Variants in ANKRD22 observed in about 807,000 individuals in gnomAD.
ANKRD22 encodes ankyrin repeat domain-containing protein 22.
A neutral mutation model predicts 25.7 loss-of-function variants in ANKRD22; 24 were observed. That is an observed-to-expected ratio of 0.93 (90% CI 0.68 to 1.31). ANKRD22 has a LOEUF of 1.31. ANKRD22 is among the 50% of genes most tolerant of loss of function. The pLI is 0.00. For synonymous variants in ANKRD22, 84 were observed against 84.3 expected (o/e 1.00, Z 0.02); for missense variants, 214 against 227.1 (o/e 0.94, Z 0.37).
chr10:88,824,299 A>G (rs1564601931), intron 4 of ANKRD22, among the ~76,000 whole-genome samples: 3 of 152,224 alleles, frequency 2.0e-5, no homozygotes, highest in African/African-American at 7.2e-5. Context: ...GGCCTTTGGA[A>G]AAGTAGCCAA....
chr10:88,836,642 C>A (rs747874380), intron 1 of ANKRD22, among the ~76,000 whole-genome samples: 2 of 152,160 alleles, frequency 1.3e-5, no homozygotes, highest in Non-Finnish European at 2.9e-5. Flanking sequence ...CAAGACTTCG[C>A]ATTTGATATT....
chr10:88,822,160 A>G lies in ANKRD22; in HGVS notation c.*781T>C, dbSNP rs530968000. On this transcript the variant is annotated 3_prime_UTR_variant, in exon 6 of 6. Transcript: ENST00000371930. ...GAAATCTCTAGTGGTATGCTGGTAA[A>G]CGAACTTTATGGAAAGTAAAAAACA... 66 of 152,324 alleles carry G rather than the reference A, an allele frequency of 4.3e-4. No homozygotes were observed. The highest frequency in any genetic ancestry group is 1.5e-3 in the African/African-American group (62 of 41,566). The allele number at this position is 152,324 out of a possible 1,614,324, so 9.4% of individuals were successfully genotyped here.
rs1843820565 is a variant in ANKRD22 at position 88,823,367 on chromosome 10, G to A, written c.411C>T (p.Thr137=). ...TCATTTCACAGGCATAATGTAATGCGGTACAGCCATACTGAAACACAAAGG... is the reference window on the plus strand; with the variant it reads ...TCATTTCACAGGCATAATGTAATGCAGTACAGCCATACTGAAACACAAAGG... The part of the protein sequence containing the change: ...EVNATDCYGC[T]ALHYACEMKN... The change falls in exon 5 of 6, where the codon ACC becomes ACT. Residue 137 remains threonine (T), a synonymous_variant. Coordinates refer to ENST00000371930, the MANE Select transcript of ANKRD22 (RefSeq NM_144590.3). 1.2e-6 allele frequency: 2 copies of A among 1,613,812 alleles called. No homozygotes were observed. Among genetic ancestry groups the A allele is most frequent in the Middle Eastern group, 1.7e-4 (1 of 6,060 alleles).
chr10:88,829,495 C>G (rs1419704357), intron 2 of ANKRD22, among the ~76,000 whole-genome samples: 12 of 152,106 alleles, frequency 7.9e-5, no homozygotes, highest in Admixed American at 7.9e-4. Context: ...ATTAAATGGT[C>G]CAGAGTTAAC....
chr10:88,841,111 TA>T (rs932059822), intron 1 of ANKRD22, among the ~76,000 whole-genome samples: 1 of 151,922 alleles, frequency 6.6e-6, no homozygotes, highest in African/African-American at 2.4e-5. Context: ...GCCAGGAAGC[TA>T]AAAAAACCCC....
rs761813005 is a variant in ANKRD22 at position 88,820,627 on chromosome 10, C to T, written c.*2314G>A. 1 of 882,840 alleles carries T rather than the reference C, an allele frequency of 1.1e-6. No individual in the cohort carries two copies. Among genetic ancestry groups the T allele is most frequent in the Non-Finnish European group, 1.7e-6 (1 of 598,386 alleles). 54.7% of individuals were successfully genotyped at this position (882,840 alleles called of 1,614,324 possible). On this transcript the variant is annotated 3_prime_UTR_variant, in exon 6 of 6. Transcript: ENST00000371930. ...AGATTCCCTGCACTTGGCACTAAATCCGACACTTACATTTACATTTTTTTT... is the reference window on the plus strand; with the variant it reads ...AGATTCCCTGCACTTGGCACTAAATTCGACACTTACATTTACATTTTTTTT...
At chr10:88,844,803 A>G (rs1407835611) in intron 1 of ANKRD22, among the ~76,000 whole-genome samples, 1 of 152,174 alleles carries the variant, frequency 6.6e-6, no homozygotes, top group Admixed American at 6.6e-5. Flanking sequence ...ATGCACACAT[A>G]TATGAAATAA....
intron 2 of ANKRD22, among the ~76,000 whole-genome samples, chr10:88,830,236 A>G (rs1843891392): frequency 6.6e-6 from 1 of 152,242 alleles, no homozygotes; most frequent in Non-Finnish European, 1.5e-5. Context: ...TGCTTTTCAT[A>G]TTGCGCTATC....
chr10:88,851,439 A>T, intron 1 of ANKRD22, 148 bp downstream of exon 1: 1 of 740,234 alleles, frequency 1.4e-6, no homozygotes, highest in South Asian at 1.6e-5. Context: ...AGAATAACAC[A>T]TAGGACTTTA....
intron 1 of ANKRD22, among the ~76,000 whole-genome samples, chr10:88,846,827 T>C (rs1325264598): frequency 2.6e-5 from 4 of 152,100 alleles, no homozygotes; most frequent in African/African-American, 9.7e-5. Context: ...GCCAAAACAG[T>C]GATGTTTCAT....
At chr10:88,836,992 G>T (rs1843960131) in intron 1 of ANKRD22, among the ~76,000 whole-genome samples, 1 of 152,190 alleles carries the variant, frequency 6.6e-6, no homozygotes, top group South Asian at 2.1e-4. Context: ...ATTAGAGGAT[G>T]CAATTGGAGA....
At position 88,835,115 on chromosome 10, in the gene ANKRD22, C is replaced by T. The variant is rs142697062; in HGVS notation, c.22-3089G>A. 5.8e-3 allele frequency among the ~76,000 whole-genome samples: 881 copies of T among 152,126 alleles called. 5 individuals carry two copies. The highest frequency in any genetic ancestry group is 0.02 in the African/African-American group (825 of 41,478). On this transcript the variant is annotated intron_variant, in intron 1 of 5. Coordinates refer to ENST00000371930, the MANE Select transcript of ANKRD22 (RefSeq NM_144590.3). ...TATGTTACCTGCCTGGTAACATAGA[C>T]CTCCAGGAGCTCTCTGCTTAGGCTT...
chr10:88,837,064 G>T (rs550099714), intron 1 of ANKRD22, among the ~76,000 whole-genome samples: 1 of 152,160 alleles, frequency 6.6e-6, no homozygotes, highest in African/African-American at 2.4e-5. Flanking sequence ...TTCAAAGAGG[G>T]GGGTAGCAGT....
At chr10:88,842,075 C>G (rs1350230803) in intron 1 of ANKRD22, among the ~76,000 whole-genome samples, 1 of 152,096 alleles carries the variant, frequency 6.6e-6, no homozygotes, top group African/African-American at 2.4e-5. Context: ...CTCTCAGCAG[C>G]CAATGTCTCT....
intron 4 of ANKRD22, among the ~76,000 whole-genome samples, chr10:88,823,879 G>C (rs970233322): frequency 1.3e-5 from 2 of 149,564 alleles, no homozygotes; most frequent in African/African-American, 2.5e-5. Context: ...ATGTATGTTA[G>C]TGTCATATAA....
chr10:88,820,192 C>A lies in ANKRD22; in HGVS notation c.*2749G>T, dbSNP rs1003624317. The A allele has an allele frequency of 1.5e-5, 23 of 1,489,416 alleles. No homozygotes were observed. Among genetic ancestry groups the A allele is most frequent in the Non-Finnish European group, 1.8e-5 (20 of 1,113,542 alleles). 92.3% of individuals were successfully genotyped at this position (1,489,416 alleles called of 1,614,324 possible). The stretch of plus-strand genomic sequence containing the variant: ...AACATAAATTATGAGCCTGAAAGTC[C>A]AAATGTTACCTAGAGTTAAGAACTA... On this transcript the variant is annotated 3_prime_UTR_variant, in exon 6 of 6. Coordinates refer to ENST00000371930, the MANE Select transcript of ANKRD22 (RefSeq NM_144590.3).
At chr10:88,826,267 C>G in intron 3 of ANKRD22, 152 bp from the exon 4 acceptor site, 4 of 637,802 alleles carry the variant, frequency 6.3e-6, no homozygotes, top group Non-Finnish European at 1.1e-5. Context: ...TTCTCACTCA[C>G]TCTAATATCA....
chr10:88,820,453 G>A lies in ANKRD22; in HGVS notation c.*2488C>T. 6.4e-7 allele frequency: 1 copy of A among 1,551,860 alleles called. No individual in the cohort carries two copies. Among genetic ancestry groups the A allele is most frequent in the African/African-American group, 1.4e-5 (1 of 73,150 alleles). ...ACAATGAAATCATCCATCTGATGCA[G>A]CAGGAGGAGACCAACCTTTCCCAGG... is the stretch of plus-strand genomic sequence containing the variant. On this transcript the variant is annotated 3_prime_UTR_variant, in exon 6 of 6. Coordinates refer to ENST00000371930, the MANE Select transcript of ANKRD22 (RefSeq NM_144590.3).
In ANKRD22 at chr10:88,832,440, A is replaced by C. The variant is rs186795806; in HGVS notation, c.22-414T>G. Among the ~76,000 whole-genome samples, 859 of 152,128 alleles carry C rather than the reference A, an allele frequency of 5.6e-3. 5 individuals carry two copies. The highest frequency in any genetic ancestry group is 0.02 in the African/African-American group (809 of 41,412). On this transcript the variant is annotated intron_variant, in intron 1 of 5. Coordinates refer to ENST00000371930, the MANE Select transcript of ANKRD22 (RefSeq NM_144590.3). ...ATACCTTTATCTTTATCTTTACTAA[A>C]GACAAAATACCTTTATCTTTATCTT...
Sources: gnomAD v4.1 joint callset for allele counts (sites outside exome capture counted in the v4.1 genomes callset) on GRCh38, gnomAD v4.1.1 for gene constraint, MANE v1.5 for transcripts, NCBI Gene and HGNC (gene_info 2026-07-23, HGNC 2026-07-21) for gene names.